Variants in VAC14 observed in about 807,000 individuals in gnomAD.
The protein encoded by VAC14 is protein VAC14 homolog.
A neutral mutation model predicts 85.3 loss-of-function variants in VAC14; 47 were observed. The observed-to-expected ratio is 0.55, with a 90% confidence interval of 0.44 to 0.70. The LOEUF is 0.70. VAC14 is among the 30% of genes least tolerant of loss of function. VAC14 has a pLI of 0.00. For missense variants in VAC14, 861 were observed against 1,004.3 expected (o/e 0.86, Z 1.93); for synonymous variants, 447 against 430.5 (o/e 1.04, Z -0.47).
At chr16:70,783,319 G>A in intron 6 of VAC14, 126 bp downstream of exon 6, 1 of 1,093,324 alleles carries the variant, frequency 9.1e-7, no homozygotes, top group Admixed American at 2.0e-5. Context: ...AAAGCGGGAA[G>A]CACAAGAGCC....
At chr16:70,772,366 A>G (rs1348403439) in intron 9 of VAC14, 194 bp from the exon 10 acceptor site, 2 of 561,598 alleles carry the variant, frequency 3.6e-6, no homozygotes, top group African/African-American at 1.9e-5. Flanking sequence ...CAAGCTTGTA[A>G]GTCTGTAGTC....
At chr16:70,786,070 C>G in intron 2 of VAC14, 145 bp downstream of exon 2, 1 of 1,433,110 alleles carries the variant, frequency 7.0e-7, no homozygotes, top group East Asian at 2.3e-5. Context: ...GCAAAGCCAG[C>G]CTTGCTGGTC....
At chr16:70,689,562 A>G (rs1279770045) in intron 18 of VAC14, 15 of 985,400 alleles carry the variant, frequency 1.5e-5, no homozygotes, top group Non-Finnish European at 1.8e-5. Context: ...GGCCTCCTGC[A>G]CCCCTGCTCA....
chr16:70,792,791 C>T (rs116052014), intron 1 of VAC14, among the ~76,000 whole-genome samples: 5,928 of 152,256 alleles, frequency 0.039, 369 homozygotes, highest in African/African-American at 0.13. Context: ...CAGTGACAGT[C>T]GCAAGAGACT....
At chr16:70,702,807 CCA>C (rs2142993082) in intron 14 of VAC14, among the ~76,000 whole-genome samples, 1 of 152,278 alleles carries the variant, frequency 6.6e-6, no homozygotes, top group South Asian at 2.1e-4. Context: ...AGTCCCTAGT[CCA>C]CACCGGGATC....
At position 70,713,491 on chromosome 16, in the gene VAC14, C is replaced by T. The variant is rs1025718848; in HGVS notation, c.1662-14680G>A. ...GGGCTGCCTTTCCAGACGTCCTTCCCCTGGGGGTAGGGAAGAGCCCAGTCA... is the reference window on the plus strand; with the variant it reads ...GGGCTGCCTTTCCAGACGTCCTTCCTCTGGGGGTAGGGAAGAGCCCAGTCA... On this transcript the variant is annotated intron_variant, in intron 14 of 18. Coordinates refer to ENST00000261776, the MANE Select transcript of VAC14 (RefSeq NM_018052.5). Among the ~76,000 whole-genome samples the T allele has an allele frequency of 2.0e-5, 3 of 152,312 alleles. No individual in the cohort carries two copies. In the East Asian group the frequency reaches 5.8e-4, roughly 29 times the overall value.
intron 14 of VAC14, among the ~76,000 whole-genome samples, chr16:70,704,716 G>A (rs1482522094): frequency 6.6e-6 from 1 of 152,232 alleles, no homozygotes; most frequent in African/African-American, 2.4e-5. Flanking sequence ...GCACGTTAGA[G>A]GCTAGGGACA....
At chr16:70,735,872 G>T (rs1340698790) in intron 13 of VAC14, among the ~76,000 whole-genome samples, 1 of 152,278 alleles carries the variant, frequency 6.6e-6, no homozygotes, top group Non-Finnish European at 1.5e-5. Flanking sequence ...GCCCAAAGGG[G>T]CTGTTTGCAG....
intron 13 of VAC14, among the ~76,000 whole-genome samples, chr16:70,743,893 C>A (rs1463043564): frequency 1.3e-5 from 2 of 152,170 alleles, no homozygotes; most frequent in Non-Finnish European, 2.9e-5. Context: ...GGCCTGCCAT[C>A]TGGAAGGGAC....
chr16:70,753,776 T>C (rs1289210628), intron 12 of VAC14, among the ~76,000 whole-genome samples: 1 of 152,208 alleles, frequency 6.6e-6, no homozygotes, highest in Admixed American at 6.5e-5. Flanking sequence ...CTGGTTTAGA[T>C]GGCTCTGCTG....
chr16:70,721,712 T>A (rs1020171314), intron 14 of VAC14, among the ~76,000 whole-genome samples: 3 of 152,136 alleles, frequency 2.0e-5, no homozygotes, highest in Non-Finnish European at 2.9e-5. Flanking sequence ...ATTGTGCCTC[T>A]CTGGGCTGCA....
intron 12 of VAC14, among the ~76,000 whole-genome samples, chr16:70,756,251 G>A (rs1405366878): frequency 1.3e-5 from 2 of 152,178 alleles, no homozygotes; most frequent in South Asian, 2.1e-4. Context: ...CCAGGCAGGC[G>A]TGGCAGCAGC....
At chr16:70,720,744 G>A (rs2054269511) in intron 14 of VAC14, among the ~76,000 whole-genome samples, 1 of 152,232 alleles carries the variant, frequency 6.6e-6, no homozygotes, top group African/African-American at 2.4e-5. Flanking sequence ...ATGCTCTCCT[G>A]GGGTACTGAG....
intron 1 of VAC14, among the ~76,000 whole-genome samples, chr16:70,797,918 G>A (rs2034615255): frequency 6.6e-6 from 1 of 152,194 alleles, no homozygotes. Context: ...CCCGCCAGAA[G>A]CAGAAGCCGC....
chr16:70,765,731 G>T (rs763641627), intron 10 of VAC14, among the ~76,000 whole-genome samples: 1 of 152,138 alleles, frequency 6.6e-6, no homozygotes, highest in African/African-American at 2.4e-5. Context: ...ATCCTGGGAG[G>T]GGCAGCAGAA....
In VAC14 at chr16:70,732,583, C is replaced by G. The variant is rs1222115881; in HGVS notation, c.1529-956G>C. ...CTAATATATGCCAACCTCCACAGCT[C>G]TGTGAAAGGAGTTACCAAGGGATGG... is the stretch of plus-strand genomic sequence containing the variant. On this transcript the variant is annotated intron_variant, in intron 13 of 18. Transcript: ENST00000261776. Among the ~76,000 whole-genome samples, 5 of 152,066 alleles carry G rather than the reference C, an allele frequency of 3.3e-5. No homozygotes were observed. The East Asian group carries it at 9.7e-4, about 29-fold the overall frequency.
At chr16:70,779,034 G>C (rs1160955384) in intron 9 of VAC14, 4 of 152,158 alleles carry the variant, frequency 2.6e-5, no homozygotes, top group Non-Finnish European at 4.4e-5. Flanking sequence ...AAAGCTTTCA[G>C]CTGCTGCATT....
intron 13 of VAC14, among the ~76,000 whole-genome samples, chr16:70,742,363 C>A (rs536570384): frequency 7.0e-6 from 1 of 143,312 alleles, no homozygotes; most frequent in African/African-American, 2.5e-5. Flanking sequence ...GAAGAGATAT[C>A]CTTTTCTCTC....
chr16:70,723,580 G>A (rs2054349148), intron 14 of VAC14, among the ~76,000 whole-genome samples: 1 of 152,246 alleles, frequency 6.6e-6, no homozygotes, highest in African/African-American at 2.4e-5. Flanking sequence ...CTTAGGTGAA[G>A]TCTAAATAGT....
Sources: allele counts gnomAD v4.1 joint callset (sites outside exome capture counted in the v4.1 genomes callset), GRCh38; gene constraint gnomAD v4.1.1; transcripts MANE v1.5; gene names NCBI Gene and HGNC (gene_info 2026-07-23, HGNC 2026-07-21).